The following GRIA4 variants were observed in gnomAD, a reference collection of about 807,000 sequenced individuals.
GRIA4 encodes glutamate receptor 4.
A neutral mutation model predicts 104.0 loss-of-function variants in GRIA4; 34 were observed. The ratio of observed to expected loss-of-function variants is 0.33; its 90% CI spans 0.25 to 0.44. The LOEUF (loss-of-function observed/expected upper bound fraction) is 0.44, where lower values mean the gene tolerates loss of function less well. Ranked by LOEUF, GRIA4 falls within the 20% of genes least tolerant of loss-of-function variation. The probability of loss-of-function intolerance (pLI) is 1.00; values close to 1 mark genes in which losing one functional copy is unlikely to be tolerated. For missense variants in GRIA4, 750 were observed against 1,096.5 expected, an observed-to-expected ratio of 0.68 and a Z score of 4.46; for synonymous variants, 386 against 381.9, an observed-to-expected ratio of 1.01 and a Z score of -0.13.
At chr11:105,945,482 T>C in intron 14 of GRIA4, 1 of 963,364 alleles carries the variant, frequency 1.0e-6, no homozygotes, top group Non-Finnish European at 1.2e-6. Context: ...AGAGGAGAAC[T>C]AACCAGCTCC....
chr11:105,626,079 T>C (rs777910536), intron 3 of GRIA4, among the ~76,000 whole-genome samples: 138 of 152,200 alleles, frequency 9.1e-4, no homozygotes, highest in African/African-American at 3.1e-3. Flanking sequence ...ACATTTTAGG[T>C]CCGTGTGGGC....
chr11:105,977,055 G>A (rs1565376802), intron 16 of GRIA4, among the ~76,000 whole-genome samples: 1 of 151,884 alleles, frequency 6.6e-6, no homozygotes, highest in South Asian at 2.1e-4. Flanking sequence ...ATCAAGAAAA[G>A]GAAGAAAACA....
intron 4 of GRIA4, among the ~76,000 whole-genome samples, chr11:105,810,603 T>C (rs1172619981): frequency 6.6e-6 from 1 of 152,188 alleles, no homozygotes; most frequent in East Asian, 1.9e-4. Context: ...AAGCCTCTTC[T>C]TGATGATGGG....
At chr11:105,647,529 C>T (rs954068525) in intron 3 of GRIA4, among the ~76,000 whole-genome samples, 5 of 152,094 alleles carry the variant, frequency 3.3e-5, no homozygotes, top group African/African-American at 1.2e-4. Context: ...ACAGCAAAGA[C>T]CTGGAATCAA....
intron 16 of GRIA4, among the ~76,000 whole-genome samples, chr11:105,976,084 T>C (rs1445301584): frequency 6.6e-6 from 1 of 152,070 alleles, no homozygotes; most frequent in Non-Finnish European, 1.5e-5. Context: ...GATGAGAGAC[T>C]TTTTTCAAAT....
intron 4 of GRIA4, among the ~76,000 whole-genome samples, chr11:105,822,414 T>A (rs17104596): frequency 0.12 from 18,873 of 152,064 alleles, 1,386 homozygotes; most frequent in South Asian, 0.19. Context: ...TGTTTATACT[T>A]ATGCAGGTCA....
chr11:105,697,104 T>C (rs1167022375), intron 3 of GRIA4, among the ~76,000 whole-genome samples: 1 of 152,186 alleles, frequency 6.6e-6, no homozygotes, highest in Admixed American at 6.5e-5. Context: ...ATAGCTATTG[T>C]TTGTATTCTC....
At chr11:105,616,859 T>G (rs1950613911) in intron 3 of GRIA4, among the ~76,000 whole-genome samples, 2 of 151,702 alleles carry the variant, frequency 1.3e-5, no homozygotes, top group South Asian at 2.1e-4. Context: ...CAGATAATTC[T>G]TTAGTTTTAT....
At chr11:105,908,626 T>C (rs1191132087) in intron 9 of GRIA4, among the ~76,000 whole-genome samples, 2 of 141,886 alleles carry the variant, frequency 1.4e-5, no homozygotes, top group African/African-American at 5.2e-5. Flanking sequence ...AAAAAAAAAA[T>C]AAAGTTTGCT....
At chr11:105,722,818 A>G (rs1365636754) in intron 3 of GRIA4, among the ~76,000 whole-genome samples, 7 of 152,120 alleles carry the variant, frequency 4.6e-5, no homozygotes, top group African/African-American at 1.7e-4. Context: ...AATTTAGATA[A>G]ATATTTAAGA....
At chr11:105,931,297 C>CACAA (rs1210453193) in intron 13 of GRIA4, among the ~76,000 whole-genome samples, 1 of 151,650 alleles carries the variant, frequency 6.6e-6, no homozygotes, top group Non-Finnish European at 1.5e-5. Context: ...CACACACACA[C>CACAA]ACACACCAAT....
chr11:105,674,113 A>G (rs1952461481), intron 3 of GRIA4, among the ~76,000 whole-genome samples: 1 of 152,084 alleles, frequency 6.6e-6, no homozygotes, highest in Non-Finnish European at 1.5e-5. Flanking sequence ...GTGTAAATAT[A>G]TGTGGAACTG....
At chr11:105,819,432 A>T (rs1943500344) in intron 4 of GRIA4, among the ~76,000 whole-genome samples, 1 of 152,176 alleles carries the variant, frequency 6.6e-6, no homozygotes, top group African/African-American at 2.4e-5. Context: ...CATGCACTCA[A>T]TTAATTTTAA....
intron 4 of GRIA4, among the ~76,000 whole-genome samples, chr11:105,854,951 T>A (rs1184174354): frequency 6.6e-6 from 1 of 152,164 alleles, no homozygotes; most frequent in African/African-American, 2.4e-5. Context: ...GGGGATAATA[T>A]CTACTTCACA....
rs190194577 is a variant in GRIA4, at chr11:105,646,748, G to A, written c.247+34314G>A. Among the ~76,000 whole-genome samples the A allele has an allele frequency of 3.7e-3, 570 of 152,248 alleles. 3 individuals are homozygous for A. Among genetic ancestry groups the A allele is most frequent in the Non-Finnish European group, 6.6e-3 (446 of 68,006 alleles). On this transcript the variant is annotated intron_variant, in intron 3 of 16. Transcript: ENST00000282499. Reference sequence around the variant, plus strand: ...ATAACTGGCTAGCCAAATGCAGAAGGTTGAAACTGGACCCTTTCCTTATAC... The same window carrying A: ...ATAACTGGCTAGCCAAATGCAGAAGATTGAAACTGGACCCTTTCCTTATAC...
At chr11:105,773,167 C>T (rs1234789715) in intron 4 of GRIA4, among the ~76,000 whole-genome samples, 2 of 152,002 alleles carry the variant, frequency 1.3e-5, no homozygotes, top group African/African-American at 2.4e-5. Flanking sequence ...ATTAAATGTG[C>T]TTTTCTCCGT....
At chr11:105,886,139 G>A (rs754548611) in intron 5 of GRIA4, among the ~76,000 whole-genome samples, 3 of 152,260 alleles carry the variant, frequency 2.0e-5, no homozygotes, top group South Asian at 2.1e-4. Context: ...CAATAGCCAT[G>A]TATACAAAAC....
chr11:105,801,140 T>C (rs907872578), intron 4 of GRIA4, among the ~76,000 whole-genome samples: 1 of 151,554 alleles, frequency 6.6e-6, no homozygotes, highest in Admixed American at 6.6e-5. Flanking sequence ...ACTAAGGATT[T>C]GGAAAACACA....
At chr11:105,643,441 C>T (rs368163905) in intron 3 of GRIA4, among the ~76,000 whole-genome samples, 78 of 152,266 alleles carry the variant, frequency 5.1e-4, no homozygotes, top group African/African-American at 1.7e-3. Context: ...ATTTAACCAG[C>T]TTTAAAGCTG....
Sources: allele counts gnomAD v4.1 joint callset (sites outside exome capture counted in the v4.1 genomes callset), GRCh38; gene constraint gnomAD v4.1.1; transcripts MANE v1.5; gene names NCBI Gene and HGNC (gene_info 2026-07-23, HGNC 2026-07-21).